SMARCC1: variants seen among roughly 807,000 people sequenced by gnomAD.
SMARCC1 encodes the protein SWI/SNF complex subunit SMARCC1.
Under a neutral mutation model 147.4 loss-of-function variants are expected in SMARCC1, and 43 were observed. That is an observed-to-expected ratio of 0.29 (90% CI 0.23 to 0.38). The LOEUF (loss-of-function observed/expected upper bound fraction) is 0.38. Ranked by LOEUF, SMARCC1 falls within the 10% of genes least tolerant of loss-of-function variation. The pLI is 1.00. For synonymous variants in SMARCC1, 495 were observed against 484.4 expected (o/e 1.02, Z -0.29); for missense variants, 1,119 against 1,381.1 (o/e 0.81, Z 3.01).
At chr3:47,621,633 T>C (rs541923984) in intron 25 of SMARCC1, among the ~76,000 whole-genome samples, 21 of 152,002 alleles carry the variant, frequency 1.4e-4, no homozygotes, top group South Asian at 2.1e-4. Context: ...ATGGAAACAA[T>C]AGACACTGGT....
chr3:47,616,158 T>C (rs1467514933), intron 25 of SMARCC1, among the ~76,000 whole-genome samples: 1 of 152,210 alleles, frequency 6.6e-6, no homozygotes, highest in African/African-American at 2.4e-5. Flanking sequence ...GCCCTTCAAT[T>C]CTCTCCAGGT....
At chr3:47,764,489 G>C (rs1576435374) in intron 2 of SMARCC1, among the ~76,000 whole-genome samples, 1 of 152,298 alleles carries the variant, frequency 6.6e-6, no homozygotes, top group South Asian at 2.1e-4. Flanking sequence ...AGTGAACTCA[G>C]GTTTCTACCT....
chr3:47,619,229 T>G (rs2032692078), intron 25 of SMARCC1, among the ~76,000 whole-genome samples: 1 of 152,238 alleles, frequency 6.6e-6, no homozygotes, highest in Non-Finnish European at 1.5e-5. Flanking sequence ...ATTTGTTGAC[T>G]GTTTCCCCCA....
At chr3:47,677,924 G>A (rs960936889) in intron 16 of SMARCC1, among the ~76,000 whole-genome samples, 3 of 152,082 alleles carry the variant, frequency 2.0e-5, no homozygotes, top group Non-Finnish European at 4.4e-5. Flanking sequence ...GCGGAGGCAG[G>A]AGAATCGCTT....
rs966304836 is a variant in SMARCC1, at chr3:47,696,624, T to C, written c.1166-3324A>G. ...ACCTCTGCCTCCCGAGTTCAAGTGA[T>C]TCTCCTGCCTCAGCCTCCTGAGTAG... is the stretch of plus-strand genomic sequence containing the variant. On this transcript the variant is annotated intron_variant, in intron 11 of 27. Transcript: ENST00000254480. Among the ~76,000 whole-genome samples, 3 of 151,550 alleles carry C rather than the reference T, an allele frequency of 2.0e-5. No individual in the cohort carries two copies. In the East Asian group the frequency reaches 5.9e-4, roughly 30 times the overall value.
At chr3:47,637,548 C>T (rs1392336448) in intron 22 of SMARCC1, among the ~76,000 whole-genome samples, 1 of 152,114 alleles carries the variant, frequency 6.6e-6, no homozygotes, top group Non-Finnish European at 1.5e-5. Flanking sequence ...CACGTCTCTA[C>T]TAAAAATACA....
intron 19 of SMARCC1, among the ~76,000 whole-genome samples, chr3:47,666,405 A>G (rs936250638): frequency 6.6e-6 from 1 of 152,166 alleles, no homozygotes; most frequent in African/African-American, 2.4e-5. Context: ...TAAGCAGACT[A>G]TGAATTCCTT....
intron 11 of SMARCC1, among the ~76,000 whole-genome samples, chr3:47,697,745 C>T (rs1022293831): frequency 5.3e-5 from 8 of 151,724 alleles, no homozygotes; most frequent in South Asian, 4.1e-4. Context: ...CAGTGGCTCA[C>T]GCCTGTAATC....
chr3:47,658,687 T>C (rs1212094379), intron 21 of SMARCC1, among the ~76,000 whole-genome samples: 1 of 152,232 alleles, frequency 6.6e-6, no homozygotes, highest in Non-Finnish European at 1.5e-5. Flanking sequence ...GACATTCCAG[T>C]TGTTTCCCCT....
At chr3:47,617,779 G>A (rs781215878) in intron 25 of SMARCC1, among the ~76,000 whole-genome samples, 2 of 152,162 alleles carry the variant, frequency 1.3e-5, no homozygotes, top group Non-Finnish European at 1.5e-5. Context: ...CAAGCTGGTT[G>A]CCAACGATCC....
intron 6 of SMARCC1, among the ~76,000 whole-genome samples, chr3:47,724,129 G>A (rs1191821803): frequency 1.3e-5 from 2 of 152,178 alleles, no homozygotes; most frequent in African/African-American, 2.4e-5. Flanking sequence ...ATTACCATAC[G>A]ATCTAGCAAT....
intron 6 of SMARCC1, among the ~76,000 whole-genome samples, chr3:47,721,305 C>T (rs2034230103): frequency 6.6e-6 from 1 of 152,036 alleles, no homozygotes; most frequent in South Asian, 2.1e-4. Flanking sequence ...CCTGTTAGCC[C>T]TCCCAACAAG....
chr3:47,720,796 T>A (rs2034223851), intron 6 of SMARCC1, 61 bp from the exon 7 acceptor site: 1 of 1,250,540 alleles, frequency 8.0e-7, no homozygotes, highest in Middle Eastern at 1.9e-4. Flanking sequence ...AACTATGATT[T>A]TTAGCCTTAA....
intron 21 of SMARCC1, among the ~76,000 whole-genome samples, chr3:47,643,885 T>C (rs935921870): frequency 2.6e-5 from 4 of 152,114 alleles, no homozygotes; most frequent in Non-Finnish European, 5.9e-5. Flanking sequence ...TAAATGCAGA[T>C]GGGATTATAA....
At chr3:47,750,401 C>T (rs776240149) in intron 2 of SMARCC1, among the ~76,000 whole-genome samples, 2 of 152,066 alleles carry the variant, frequency 1.3e-5, no homozygotes, top group Non-Finnish European at 2.9e-5. Context: ...CGCCAGGGCA[C>T]TCCAGCTTGG....
intron 1 of SMARCC1, among the ~76,000 whole-genome samples, chr3:47,776,291 C>G (rs368600558): frequency 6.6e-6 from 1 of 152,018 alleles, no homozygotes; most frequent in South Asian, 2.1e-4. Flanking sequence ...TTTTTGTACA[C>G]GGTAAAGCAA....
chr3:47,638,934 C>A (rs1274069172), intron 21 of SMARCC1, among the ~76,000 whole-genome samples, 154 bp from the exon 22 acceptor site: 1 of 152,102 alleles, frequency 6.6e-6, no homozygotes, highest in Non-Finnish European at 1.5e-5. Context: ...AGGCACAAAA[C>A]AACACACACT....
At chr3:47,588,714 G>A (rs112404333) in intron 27 of SMARCC1, among the ~76,000 whole-genome samples, 21 of 36,896 alleles carry the variant, frequency 5.7e-4, no homozygotes, top group African/African-American at 2.2e-3. Flanking sequence ...CCCCCCCCCC[G>A]CCCCCACAGT....
chr3:47,610,814 T>C (rs1296591667), intron 25 of SMARCC1: 2 of 164,236 alleles, frequency 1.2e-5, no homozygotes, highest in South Asian at 1.6e-4. Flanking sequence ...TTTTAGAACA[T>C]AACACCAGAG....
Sources: allele counts gnomAD v4.1 joint callset (sites outside exome capture counted in the v4.1 genomes callset), GRCh38; gene constraint gnomAD v4.1.1; transcripts MANE v1.5; gene names NCBI Gene and HGNC (gene_info 2026-07-23, HGNC 2026-07-21).